Variants in CEMIP2 observed in about 807,000 individuals in gnomAD.
The protein encoded by CEMIP2 is cell surface hyaluronidase CEMIP2.
A neutral mutation model predicts 146.9 loss-of-function variants in CEMIP2; 79 were observed. That is an observed-to-expected ratio of 0.54 (90% CI 0.45 to 0.65). The LOEUF is 0.65. CEMIP2 is among the 30% of genes least tolerant of loss of function. The probability of loss-of-function intolerance (pLI) is 0.00; values close to 1 mark genes in which losing one functional copy is unlikely to be tolerated. For synonymous variants in CEMIP2, 601 were observed against 606.3 expected (o/e 0.99, Z 0.13); for missense variants, 1,596 against 1,696.2 (o/e 0.94, Z 1.04).
At chr9:71,756,935 G>A (rs1334292276) in intron 1 of CEMIP2, among the ~76,000 whole-genome samples, 1 of 152,202 alleles carries the variant, frequency 6.6e-6, no homozygotes, top group Non-Finnish European at 1.5e-5. Flanking sequence ...ATTCAATGCT[G>A]TGATCAAAGA....
chr9:71,692,404 T>G (rs1822260906), intron 21 of CEMIP2, among the ~76,000 whole-genome samples: 1 of 135,366 alleles, frequency 7.4e-6, no homozygotes. Context: ...TATTACCTAG[T>G]AAACTACTAG....
At chr9:71,690,280 T>C (rs748159438) in intron 21 of CEMIP2, 34 bp from the exon 22 acceptor site, 1 of 1,603,888 alleles carries the variant, frequency 6.2e-7, no homozygotes, top group South Asian at 1.1e-5. Context: ...GCTGTCATCA[T>C]CATTTTGAGA....
chr9:71,732,206 C>T, intron 7 of CEMIP2, 145 bp downstream of exon 7: 1 of 807,504 alleles, frequency 1.2e-6, no homozygotes, highest in Non-Finnish European at 1.9e-6. Flanking sequence ...TTTTAATCAT[C>T]TAAAACCTCC....
At chr9:71,741,921 C>T (rs1823933205) in intron 4 of CEMIP2, among the ~76,000 whole-genome samples, 4 of 151,858 alleles carry the variant, frequency 2.6e-5, no homozygotes, top group Admixed American at 6.6e-5. Context: ...GCTTGGATTA[C>T]AGGCATGAGC....
chr9:71,688,164 C>T (rs938333222), intron 22 of CEMIP2, among the ~76,000 whole-genome samples: 2 of 151,958 alleles, frequency 1.3e-5, no homozygotes, highest in South Asian at 2.1e-4. Context: ...AACTCTTGGC[C>T]GGTATTACTG....
intron 14 of CEMIP2, among the ~76,000 whole-genome samples, chr9:71,715,864 G>T (rs76841916): frequency 1.3e-5 from 2 of 151,628 alleles, no homozygotes; most frequent in South Asian, 4.2e-4. Context: ...GGCTTTGAGC[G>T]ATCCTCCTGT....
At chr9:71,702,404 C>T (rs940278476) in intron 18 of CEMIP2, among the ~76,000 whole-genome samples, 24 of 144,128 alleles carry the variant, frequency 1.7e-4, no homozygotes, top group African/African-American at 2.1e-4. Flanking sequence ...TGCGGGGGGG[C>T]GGGCAGGAGA....
chr9:71,727,975 C>T (rs541208553), intron 10 of CEMIP2, among the ~76,000 whole-genome samples: 7 of 151,874 alleles, frequency 4.6e-5, no homozygotes, highest in South Asian at 4.2e-4. Flanking sequence ...GCAGGAGAAT[C>T]GCTTGAACCC....
chr9:71,741,075 C>CTTATCCTTCTT (rs1411976093), intron 4 of CEMIP2, among the ~76,000 whole-genome samples: 129 of 151,710 alleles, frequency 8.5e-4, no homozygotes, highest in Non-Finnish European at 1.3e-3. Flanking sequence ...GCCTGGGAGT[C>CTTATCCTTCTT]TTATCCTTCT....
At chr9:71,724,331 C>T (rs1348579692) in intron 11 of CEMIP2, among the ~76,000 whole-genome samples, 1 of 152,000 alleles carries the variant, frequency 6.6e-6, no homozygotes, top group Non-Finnish European at 1.5e-5. Flanking sequence ...GAATGAGGTG[C>T]TTTTTATACC....
intron 5 of CEMIP2, among the ~76,000 whole-genome samples, chr9:71,737,042 T>C (rs934779487): frequency 6.6e-6 from 1 of 150,862 alleles, no homozygotes; most frequent in African/African-American, 2.4e-5. Context: ...TGGTGGTGCA[T>C]GCCTGTACTC....
chr9:71,701,196 C>T (rs1245284391), intron 18 of CEMIP2, among the ~76,000 whole-genome samples: 1 of 152,158 alleles, frequency 6.6e-6, no homozygotes, highest in Non-Finnish European at 1.5e-5. Flanking sequence ...ACCTCCGCCT[C>T]CCAGGTTCAA....
chr9:71,734,379 G>T (rs1854494), intron 6 of CEMIP2, among the ~76,000 whole-genome samples: 254 of 152,234 alleles, frequency 1.7e-3, no homozygotes, highest in African/African-American at 5.8e-3. Flanking sequence ...GGGAGGGAAA[G>T]CATCAGGAAA....
At chr9:71,711,452 C>A (rs1415592774) in intron 16 of CEMIP2, among the ~76,000 whole-genome samples, 2 of 151,626 alleles carry the variant, frequency 1.3e-5, no homozygotes, top group East Asian at 3.9e-4. Context: ...TGCTTGTATA[C>A]CCAGCTACTT....
rs1292512008 is a variant in CEMIP2, at chr9:71,707,564, C to G, written c.2985+1695G>C. 3.3e-5 allele frequency among the ~76,000 whole-genome samples: 5 copies of G among 152,146 alleles called. No individual in the cohort carries two copies. In the East Asian group the frequency reaches 7.7e-4, roughly 24 times the overall value. ...CAGAAGAACAAAGAAGAATTCTGAT[C>G]CAAGAAGCTCCAATTATTGAAAGCT... On this transcript the variant is annotated intron_variant, in intron 17 of 23. Coordinates refer to ENST00000377044, the MANE Select transcript of CEMIP2 (RefSeq NM_013390.3).
At position 71,712,128 on chromosome 9, in the gene CEMIP2, C is replaced by A. The variant is rs1389095704; in HGVS notation, c.2724G>T (p.Gln908His). 6.2e-7 allele frequency: 1 copy of A among 1,614,096 alleles called. No homozygotes were observed. The highest frequency in any genetic ancestry group is 8.5e-7 in the Non-Finnish European group (1 of 1,179,988). Reference sequence around the variant, plus strand: ...GGGAGATATTATTCCTGGGGGTTATCTGCCAGGAATTCTTCATGAGGAAGC... The same window carrying A: ...GGGAGATATTATTCCTGGGGGTTATATGCCAGGAATTCTTCATGAGGAAGC... ...AIGFLMKNSW[Q>H]ITPRNNISLV... Residue 908 changes from glutamine (Q) to histidine (H), a missense_variant, in exon 16 of 24, where the codon CAG becomes CAT. Coordinates refer to ENST00000377044, the MANE Select transcript of CEMIP2 (RefSeq NM_013390.3).
chr9:71,750,137 G>A lies in CEMIP2; in HGVS notation c.237C>T (p.His79=), dbSNP rs777735166. ...AQRESQKQKR[H]KNTFICFAIT... ...TAGCAAAACAAATGAAAGTATTTTT[G>A]TGTCTCTTTTGCTTTTGACTTTCTC... The change falls in exon 2 of 24, where the codon CAC becomes CAT. Residue 79 remains histidine, a synonymous_variant. Coordinates refer to ENST00000377044, the MANE Select transcript of CEMIP2 (RefSeq NM_013390.3). 3.1e-6 allele frequency: 5 copies of A among 1,613,664 alleles called. No homozygotes were observed. Among genetic ancestry groups the A allele is most frequent in the African/African-American group, 1.3e-5 (1 of 74,852 alleles).
chr9:71,759,200 C>T (rs1408449971), intron 1 of CEMIP2, among the ~76,000 whole-genome samples: 2 of 152,084 alleles, frequency 1.3e-5, no homozygotes, highest in East Asian at 3.8e-4. Context: ...TCGATTTAGA[C>T]ACATATAAGT....
In CEMIP2 at chr9:71,704,678, G is replaced by T. The variant is rs150698902; in HGVS notation, c.3111C>A (p.Val1037=). 6.2e-7 allele frequency: 1 copy of T among 1,614,120 alleles called. No homozygotes were observed. Among genetic ancestry groups the T allele is most frequent in the South Asian group, 1.1e-5 (1 of 91,078 alleles). The part of the protein sequence containing the change: ...QKAAFPQYQP[V]VMLEKGYTIH... ...TGGTATAACCCTTCTCCAGCATGACGACAGGCTGGTACTGTGGAAAGGCAG... is the reference window on the plus strand; with the variant it reads ...TGGTATAACCCTTCTCCAGCATGACTACAGGCTGGTACTGTGGAAAGGCAG... Residue 1037 remains valine, a synonymous_variant, in exon 18 of 24, where the codon GTC becomes GTA. Coordinates refer to ENST00000377044, the MANE Select transcript of CEMIP2 (RefSeq NM_013390.3).
Sources: gnomAD v4.1 joint callset for allele counts (sites outside exome capture counted in the v4.1 genomes callset) on GRCh38, gnomAD v4.1.1 for gene constraint, MANE v1.5 for transcripts, NCBI Gene and HGNC (gene_info 2026-07-23, HGNC 2026-07-21) for gene names.